CASK: variants seen among roughly 807,000 people sequenced by gnomAD.
CASK encodes calcium/calmodulin dependent serine protein kinase.
A neutral mutation model predicts 82.9 loss-of-function variants in CASK; 4 were observed. The ratio of observed to expected loss-of-function variants is 0.05; its 90% CI spans 0.02 to 0.11. The LOEUF is 0.11. Among genes scored for constraint, CASK ranks in the 10% least tolerant of loss-of-function variants. The pLI is 1.00. For synonymous variants in CASK, 259 were observed against 253.5 expected, an observed-to-expected ratio of 1.02 and a Z score of -0.20; for missense variants, 358 against 720.9, an observed-to-expected ratio of 0.50 and a Z score of 5.76.
chrX:41,645,028 A>G (rs2066731980), intron 8 of CASK, among the ~76,000 whole-genome samples: 1 of 111,148 alleles, frequency 9.0e-6, no homozygotes, highest in African/African-American at 3.3e-5. Context: ...GCCTTGTAAT[A>G]TTCTATTACC....
At chrX:41,769,553 G>T (rs1256381467) in intron 3 of CASK, among the ~76,000 whole-genome samples, 1 of 110,968 alleles carries the variant, frequency 9.0e-6, no homozygotes, top group Non-Finnish European at 1.9e-5. Flanking sequence ...TTGCAACCCG[G>T]CTTTACATCT....
rs772813443 is a variant in CASK at position 41,883,298 on chromosome X, G to A, written c.60-30071C>T. Among the ~76,000 whole-genome samples, 6 of 111,712 alleles carry A rather than the reference G, an allele frequency of 5.4e-5. No homozygotes were observed. In the South Asian group the frequency reaches 2.2e-3, roughly 42 times the overall value. On this transcript the variant is annotated intron_variant, in intron 1 of 26. Transcript: ENST00000378163. Reference sequence around the variant, plus strand: ...GAAAGTCACATAATTTGAAGCTTTGGAGGACTATAAACATCAACAGCTCCT... The same window carrying A: ...GAAAGTCACATAATTTGAAGCTTTGAAGGACTATAAACATCAACAGCTCCT...
intron 2 of CASK, among the ~76,000 whole-genome samples, chrX:41,812,831 T>G (rs1047165856): frequency 1.8e-5 from 2 of 111,660 alleles, no homozygotes; most frequent in African/African-American, 6.5e-5. Context: ...TGATTGTATG[T>G]TTAGAAAACC....
chrX:41,539,705 C>G (rs2064922508), intron 22 of CASK, among the ~76,000 whole-genome samples: 1 of 112,248 alleles, frequency 8.9e-6, no homozygotes, highest in Non-Finnish European at 1.9e-5. Context: ...AAAAGCAGAA[C>G]AGCTGATTAA....
At chrX:41,715,590 C>G (rs1272003062) in intron 5 of CASK, among the ~76,000 whole-genome samples, 1 of 107,255 alleles carries the variant, frequency 9.3e-6, no homozygotes, top group Non-Finnish European at 1.9e-5. Context: ...CCATTGCACT[C>G]CAGCCCAGGA....
chrX:41,790,672 C>T (rs748490997), intron 2 of CASK, among the ~76,000 whole-genome samples: 1 of 111,490 alleles, frequency 9.0e-6, no homozygotes, highest in East Asian at 2.8e-4. Flanking sequence ...ATGAAACTAG[C>T]AACATAAAAA....
intron 5 of CASK, among the ~76,000 whole-genome samples, chrX:41,672,081 T>G (rs1292629096): frequency 2.7e-5 from 3 of 110,346 alleles, no homozygotes; most frequent in African/African-American, 9.9e-5. Flanking sequence ...TTAATGATTT[T>G]AATTAAGCCT....
intron 1 of CASK, among the ~76,000 whole-genome samples, chrX:41,863,264 G>C (rs937799838): frequency 8.9e-6 from 1 of 111,851 alleles, no homozygotes; most frequent in Non-Finnish European, 1.9e-5. Context: ...TAAACATATG[G>C]AACTTTGAAA....
intron 8 of CASK, among the ~76,000 whole-genome samples, chrX:41,640,529 T>C (rs1298524870): frequency 1.8e-5 from 2 of 111,446 alleles, no homozygotes; most frequent in East Asian, 5.6e-4. Flanking sequence ...TTGTCAACAA[T>C]TGGTATGGTC....
chrX:41,534,883 T>A lies in CASK; in HGVS notation c.2236+10A>T. ...GAGAATAAGCAACTCACTTACACAA[T>A]CAAACTTACCTAATAAGACTAGTGT... On this transcript the variant is annotated intron_variant, in intron 23 of 26. Coordinates refer to ENST00000378163, the MANE Select transcript of CASK (RefSeq NM_001367721.1). 8.5e-7 allele frequency: 1 copy of A among 1,176,751 alleles called. No individual in the cohort carries two copies. The highest frequency in any genetic ancestry group is 1.8e-5 in the South Asian group (1 of 56,105).
In CASK at chrX:41,921,213, A is replaced by G. The variant is rs1112844; in HGVS notation, c.59+1717T>C. ...ATATTGGGAACAACTTGGGTATGTG[A>G]ATATACTTTTGCAAACGCAAATTTT... On this transcript the variant is annotated intron_variant, in intron 1 of 26. Coordinates refer to ENST00000378163, the MANE Select transcript of CASK (RefSeq NM_001367721.1). Among the ~76,000 whole-genome samples, 1,071 of 112,416 alleles carry G rather than the reference A, an allele frequency of 9.5e-3. 15 individuals are homozygous for G. The highest frequency in any genetic ancestry group is 0.033 in the African/African-American group (1,015 of 30,974).
intron 1 of CASK, among the ~76,000 whole-genome samples, chrX:41,921,229 C>G (rs755685233): frequency 1.8e-5 from 2 of 111,879 alleles, no homozygotes; most frequent in African/African-American, 3.2e-5. Flanking sequence ...CTTTTGCAAA[C>G]GCAAATTTTA....
chrX:41,611,778 C>T (rs887014162), intron 11 of CASK, among the ~76,000 whole-genome samples: 3 of 108,970 alleles, frequency 2.8e-5, no homozygotes, highest in African/African-American at 6.7e-5. Context: ...GCTGCCAACT[C>T]GGCTCACTGC....
chrX:41,919,745 G>A (rs2072753034), intron 1 of CASK, among the ~76,000 whole-genome samples: 1 of 111,942 alleles, frequency 8.9e-6, no homozygotes, highest in African/African-American at 3.3e-5. Context: ...ACTCAAAGGA[G>A]TTTCTGCAAG....
chrX:41,903,895 C>T (rs762895850), intron 1 of CASK, among the ~76,000 whole-genome samples: 40 of 112,048 alleles, frequency 3.6e-4, no homozygotes, highest in African/African-American at 1.3e-3. Flanking sequence ...ATAATTCATA[C>T]CATAAAATTC....
chrX:41,738,873 G>A (rs1006862156), intron 5 of CASK, among the ~76,000 whole-genome samples: 2 of 111,601 alleles, frequency 1.8e-5, no homozygotes, highest in Non-Finnish European at 3.8e-5. Context: ...GATGAAATAG[G>A]CAGAAAGACT....
rs150580875 is a variant in CASK at position 41,781,822 on chromosome X, A to G, written c.278+5356T>C. On this transcript the variant is annotated intron_variant, in intron 3 of 26. Coordinates refer to ENST00000378163, the MANE Select transcript of CASK (RefSeq NM_001367721.1). ...GGATGCAAAAAACTGTGCAAGGCCAATTGTTGAGGTGAATTTACAAAACAA... is the reference window on the plus strand; with the variant it reads ...GGATGCAAAAAACTGTGCAAGGCCAGTTGTTGAGGTGAATTTACAAAACAA... 7.4e-3 allele frequency among the ~76,000 whole-genome samples: 836 copies of G among 112,309 alleles called. 10 individuals are homozygous for G. Among genetic ancestry groups the G allele is most frequent in the African/African-American group, 0.026 (798 of 30,943 alleles).
chrX:41,850,418 T>C (rs757699778), intron 2 of CASK, among the ~76,000 whole-genome samples: 102 of 109,373 alleles, frequency 9.3e-4, no homozygotes, highest in African/African-American at 3.2e-3. Flanking sequence ...ACAAGTACAC[T>C]AGGAAAACAA....
rs1375366282 is a variant in CASK, at chrX:41,868,405, T to G, written c.60-15178A>C. 2.1e-4 allele frequency among the ~76,000 whole-genome samples: 23 copies of G among 111,937 alleles called. No individual in the cohort carries two copies. The Admixed American group carries it at 2.2e-3, about 11-fold the overall frequency. Reference sequence around the variant, plus strand: ...TTAAAGAAAAAATAATTTATTCTATTAACCAAGAATCCCTGCACATTAATA... The same window carrying G: ...TTAAAGAAAAAATAATTTATTCTATGAACCAAGAATCCCTGCACATTAATA... On this transcript the variant is annotated intron_variant, in intron 1 of 26. Coordinates refer to ENST00000378163, the MANE Select transcript of CASK (RefSeq NM_001367721.1).
Sources: allele counts gnomAD v4.1 joint callset (sites outside exome capture counted in the v4.1 genomes callset), GRCh38; gene constraint gnomAD v4.1.1; transcripts MANE v1.5; gene names NCBI Gene and HGNC (gene_info 2026-07-23, HGNC 2026-07-21).